The following PAH variants were observed in gnomAD, a reference collection of about 807,000 sequenced individuals.
PAH encodes phenylalanine hydroxylase.
PAH carries 64 observed loss-of-function variants against 62.0 expected under a neutral mutation model. The observed-to-expected ratio is 1.03, with a 90% CI of 0.84 to 1.27. The LOEUF (loss-of-function observed/expected upper bound fraction) is 1.27. Among genes scored for constraint, PAH ranks in the 50% most tolerant of loss-of-function variants. PAH has a pLI of 0.00. For synonymous variants in PAH, 195 were observed against 196.2 expected, an observed-to-expected ratio of 0.99 and a Z score of 0.05; for missense variants, 579 against 542.8, an observed-to-expected ratio of 1.07 and a Z score of -0.66.
intron 2 of PAH, among the ~76,000 whole-genome samples, chr12:102,901,738 G>C (rs551910132): frequency 6.6e-6 from 1 of 152,196 alleles, no homozygotes; most frequent in East Asian, 1.9e-4. Flanking sequence ...TTATGTCCTG[G>C]CCTATTTCAG....
chr12:102,956,384 A>T (rs1171236242), intron 1 of PAH, among the ~76,000 whole-genome samples: 1 of 152,204 alleles, frequency 6.6e-6, no homozygotes, highest in Non-Finnish European at 1.5e-5. Context: ...CCGAAGGCCC[A>T]GGAAGGACGC....
upstream of PAH, among the ~76,000 whole-genome samples, chr12:102,952,160 G>GAGCC (rs1879782890): frequency 6.6e-6 from 1 of 152,136 alleles, no homozygotes; most frequent in African/African-American, 2.4e-5. Context: ...AGGTTTCATA[G>GAGCC]AGCCCTTCGA....
chr12:102,916,380 G>A (rs1305588587), intron 1 of PAH, among the ~76,000 whole-genome samples: 3 of 152,126 alleles, frequency 2.0e-5, no homozygotes, highest in Non-Finnish European at 4.4e-5. Flanking sequence ...GGGTAAATAT[G>A]TAGGTCACAT....
At chr12:102,866,017 A>G (rs1875940160) in intron 5 of PAH, among the ~76,000 whole-genome samples, 1 of 151,556 alleles carries the variant, frequency 6.6e-6, no homozygotes. Context: ...CTTCTCAAAC[A>G]TGTTTTATAT....
rs62516095 is a variant in PAH, at chr12:102,843,777, G to A, written c.1068C>T (p.Tyr356=). ...GAAGCTTTGGCTTCTCTGATAAGCAGTACTGTAGGCCCCAAGTGAAAAGTT... is the reference window on the plus strand; with the variant it reads ...GAAGCTTTGGCTTCTCTGATAAGCAATACTGTAGGCCCCAAGTGAAAAGTT... ...GLLSSFGELQ[Y]CLSEKPKLLP... is the part of the protein sequence containing the mutation. The change falls in exon 11 of 13, where the codon TAC becomes TAT. Residue 356 remains tyrosine, a splice_region_variant and synonymous_variant. Coordinates refer to ENST00000553106, the MANE Select transcript of PAH (RefSeq NM_000277.3). 1.2e-6 allele frequency: 2 copies of A among 1,613,506 alleles called. No homozygotes were observed. Among genetic ancestry groups the A allele is most frequent in the African/African-American group, 2.7e-5 (2 of 74,876 alleles).
At chr12:102,884,207 C>A (rs575490704) in intron 3 of PAH, among the ~76,000 whole-genome samples, 1 of 152,198 alleles carries the variant, frequency 6.6e-6, no homozygotes, top group African/African-American at 2.4e-5. Flanking sequence ...GAGAAATTCA[C>A]CAGCTGTCAT....
At chr12:102,873,067 C>G (rs1444790575) in intron 4 of PAH, among the ~76,000 whole-genome samples, 1 of 152,202 alleles carries the variant, frequency 6.6e-6, no homozygotes, top group Non-Finnish European at 1.5e-5. Context: ...GAAGCCCCCT[C>G]TATTGTAGAT....
At chr12:102,882,040 T>C (rs1212331649) in intron 3 of PAH, among the ~76,000 whole-genome samples, 1 of 152,224 alleles carries the variant, frequency 6.6e-6, no homozygotes, top group Non-Finnish European at 1.5e-5. Context: ...TTTCATGCTG[T>C]TTTCCATAAT....
intron 2 of PAH, among the ~76,000 whole-genome samples, chr12:102,898,363 T>C (rs1877598078): frequency 6.6e-6 from 1 of 152,244 alleles, no homozygotes; most frequent in African/African-American, 2.4e-5. Flanking sequence ...ATTTCCTTAG[T>C]AATGCTATTT....
At chr12:102,926,334 G>A (rs559876823) in intron 1 of PAH, among the ~76,000 whole-genome samples, 2 of 151,938 alleles carry the variant, frequency 1.3e-5, no homozygotes, top group East Asian at 1.9e-4. Flanking sequence ...AGGGATTTCT[G>A]GTAGAGGAAA....
chr12:102,952,475 A>T (rs1395868294), upstream of PAH, among the ~76,000 whole-genome samples: 2 of 152,210 alleles, frequency 1.3e-5, no homozygotes, highest in Non-Finnish European at 2.9e-5. Context: ...GGCCTACTGT[A>T]ACAAAATAGA....
At chr12:102,839,475 G>A (rs1874494982) in intron 12 of PAH, among the ~76,000 whole-genome samples, 2 of 152,142 alleles carry the variant, frequency 1.3e-5, no homozygotes, top group Admixed American at 1.3e-4. Context: ...CTCTCCCCAG[G>A]CAAATCATTA....
chr12:102,937,962 T>A (rs1044307233), intron 1 of PAH, among the ~76,000 whole-genome samples: 1 of 152,224 alleles, frequency 6.6e-6, no homozygotes, highest in African/African-American at 2.4e-5. Context: ...GATAAACATT[T>A]TTTTCCAGAG....
At chr12:102,920,857 C>A (rs891332743), upstream of PAH, among the ~76,000 whole-genome samples, 1 of 152,042 alleles carries the variant, frequency 6.6e-6, no homozygotes, top group Non-Finnish European at 1.5e-5. Flanking sequence ...GTATCTAGTT[C>A]TTTGCTTTTC....
At chr12:102,943,624 C>T (rs891089583) in intron 1 of PAH, among the ~76,000 whole-genome samples, 2 of 152,062 alleles carry the variant, frequency 1.3e-5, no homozygotes, top group African/African-American at 4.8e-5. Context: ...AAGTTTGCTG[C>T]AGCATTATTA....
upstream of PAH, among the ~76,000 whole-genome samples, chr12:102,951,054 T>C (rs1280136297): frequency 8.2e-6 from 1 of 121,398 alleles, no homozygotes; most frequent in Non-Finnish European, 1.7e-5. Flanking sequence ...ATCAAGTTTG[T>C]GCGTGGGGGG....
upstream of PAH, among the ~76,000 whole-genome samples, chr12:102,951,568 G>A (rs534439788): frequency 6.6e-6 from 1 of 152,302 alleles, no homozygotes; most frequent in South Asian, 2.1e-4. Context: ...GGGCTGAGTA[G>A]CATGTTGGGT....
At chr12:102,879,867 C>A (rs1296888011) in intron 3 of PAH, among the ~76,000 whole-genome samples, 2 of 152,150 alleles carry the variant, frequency 1.3e-5, no homozygotes, top group African/African-American at 4.8e-5. Flanking sequence ...AAAGCACAGC[C>A]CTCTTTTCCA....
intron 5 of PAH, among the ~76,000 whole-genome samples, chr12:102,858,499 C>G (rs1004720790): frequency 6.6e-6 from 1 of 152,222 alleles, no homozygotes; most frequent in African/African-American, 2.4e-5. Context: ...ACAGAACTCT[C>G]CACTCCAAAT....
Sources: gnomAD v4.1 joint callset for allele counts (sites outside exome capture counted in the v4.1 genomes callset) on GRCh38, gnomAD v4.1.1 for gene constraint, MANE v1.5 for transcripts, NCBI Gene and HGNC (gene_info 2026-07-23, HGNC 2026-07-21) for gene names.